ENTHD1: variants seen among roughly 807,000 people sequenced by gnomAD.
The protein encoded by ENTHD1 is ENTH domain containing 1.
Under a neutral mutation model 39.1 loss-of-function variants are expected in ENTHD1, and 23 were observed. The ratio of observed to expected loss-of-function variants is 0.59; its 90% CI spans 0.42 to 0.83. ENTHD1 has a LOEUF of 0.83. Among genes scored for constraint, ENTHD1 ranks in the 40% least tolerant of loss-of-function variants. The pLI is 0.00. For synonymous variants in ENTHD1, 230 were observed against 258.2 expected, an observed-to-expected ratio of 0.89 and a Z score of 1.05; for missense variants, 624 against 705.4, an observed-to-expected ratio of 0.88 and a Z score of 1.31.
At chr22:39,879,465 A>AG (rs2066318523) in intron 2 of ENTHD1, among the ~76,000 whole-genome samples, 1 of 146,964 alleles carries the variant, frequency 6.8e-6, no homozygotes, top group African/African-American at 2.5e-5. Context: ...TCTGTCTCAA[A>AG]AAAAAAAAAA....
At chr22:39,754,714 C>A (rs1170297197) in intron 6 of ENTHD1, among the ~76,000 whole-genome samples, 1 of 152,166 alleles carries the variant, frequency 6.6e-6, no homozygotes, top group Non-Finnish European at 1.5e-5. Context: ...CGTGATCCAC[C>A]TAAGGCTCCT....
intron 5 of ENTHD1, among the ~76,000 whole-genome samples, chr22:39,770,212 C>A (rs976687584): frequency 6.6e-6 from 1 of 152,094 alleles, no homozygotes; most frequent in African/African-American, 2.4e-5. Context: ...CACCACATAC[C>A]GTGTTCATAC....
chr22:39,866,591 A>G (rs2066183382), intron 2 of ENTHD1, among the ~76,000 whole-genome samples: 1 of 152,196 alleles, frequency 6.6e-6, no homozygotes, highest in Non-Finnish European at 1.5e-5. Context: ...AGTGCGCCAG[A>G]CAGGGAACAG....
intron 3 of ENTHD1, among the ~76,000 whole-genome samples, chr22:39,856,255 CA>C (rs2066084999): frequency 9.5e-6 from 1 of 105,708 alleles, no homozygotes. Flanking sequence ...GCCTGGGCAA[CA>C]AGAGTGAAAC....
At chr22:39,877,762 G>A (rs1330172692) in intron 2 of ENTHD1, among the ~76,000 whole-genome samples, 1 of 152,174 alleles carries the variant, frequency 6.6e-6, no homozygotes, top group Non-Finnish European at 1.5e-5. Context: ...CTTAGGAGAA[G>A]CTAGTTAACC....
chr22:39,842,190 T>C (rs1042674576), intron 3 of ENTHD1, among the ~76,000 whole-genome samples: 6 of 150,940 alleles, frequency 4.0e-5, no homozygotes, highest in Admixed American at 3.9e-4. Flanking sequence ...CATTTCAACT[T>C]TGGTGAATCT....
intron 4 of ENTHD1, among the ~76,000 whole-genome samples, chr22:39,826,849 T>TAA (rs113990842): frequency 7.3e-6 from 1 of 137,502 alleles, no homozygotes; most frequent in Admixed American, 7.3e-5. Context: ...AATAGTCTGT[T>TAA]AAAAAAAAAA....
chr22:39,801,105 T>C (rs1388341712), intron 5 of ENTHD1, among the ~76,000 whole-genome samples: 1 of 152,266 alleles, frequency 6.6e-6, no homozygotes, highest in Non-Finnish European at 1.5e-5. Flanking sequence ...ATTGAGTGAT[T>C]ATTTCTGAAT....
chr22:39,744,105 G>C lies in ENTHD1; in HGVS notation c.1398C>G (p.Ala466=). The C allele has an allele frequency of 6.2e-7, 1 of 1,614,122 alleles. No individual in the cohort carries two copies. The highest frequency in any genetic ancestry group is 8.5e-7 in the Non-Finnish European group (1 of 1,179,986). The part of the protein sequence containing the change: ...STSFKDEDKT[A]KLHHSFASRG... ...TAGAAGCAAAGGAGTGATGCAGCTT[G>C]GCTGTCTTATCTTCATCTTTAAAGG... The change falls in exon 7 of 7, where the codon GCC becomes GCG. Residue 466 remains alanine, a synonymous_variant. Transcript: ENST00000325157.
intron 5 of ENTHD1, among the ~76,000 whole-genome samples, chr22:39,781,228 G>A (rs372922884): frequency 1.3e-5 from 2 of 152,080 alleles, no homozygotes; most frequent in East Asian, 3.8e-4. Context: ...CAGCACAAGG[G>A]CCGTTGTCCA....
chr22:39,875,854 T>G, intron 2 of ENTHD1: 1 of 1,613,942 alleles, frequency 6.2e-7, no homozygotes, highest in Non-Finnish European at 8.5e-7. Context: ...AGCAGGAAGC[T>G]GCAGTTGAAT....
intron 5 of ENTHD1, among the ~76,000 whole-genome samples, chr22:39,771,066 G>A (rs543600227): frequency 7.9e-5 from 12 of 152,176 alleles, no homozygotes; most frequent in Admixed American, 7.9e-4. Context: ...TTTCAGATTA[G>A]GTGTGCTTAA....
At chr22:39,875,656 T>G (rs1309535708) in intron 2 of ENTHD1, 1 of 1,612,196 alleles carries the variant, frequency 6.2e-7, no homozygotes, top group Admixed American at 1.7e-5. Context: ...GAGTAACTAC[T>G]GTGGGTGTCG....
At chr22:39,747,492 C>T (rs889263786) in intron 6 of ENTHD1, among the ~76,000 whole-genome samples, 1 of 152,112 alleles carries the variant, frequency 6.6e-6, no homozygotes. Context: ...TACTTCTACA[C>T]AATTCTATTA....
At chr22:39,764,053 T>C (rs530500007) in intron 6 of ENTHD1, among the ~76,000 whole-genome samples, 2 of 152,270 alleles carry the variant, frequency 1.3e-5, no homozygotes, top group African/African-American at 4.8e-5. Context: ...CCAAGGAAAA[T>C]CTTTTGTTAC....
At chr22:39,833,941 C>CCAA (rs760081606) in intron 4 of ENTHD1, among the ~76,000 whole-genome samples, 1 of 117,938 alleles carries the variant, frequency 8.5e-6, no homozygotes, top group Non-Finnish European at 1.7e-5. Flanking sequence ...TATACTTGGG[C>CCAA]AAAAAAAAAA....
At chr22:39,890,955 T>C (rs2066421893) in intron 1 of ENTHD1, among the ~76,000 whole-genome samples, 1 of 152,232 alleles carries the variant, frequency 6.6e-6, no homozygotes, top group African/African-American at 2.4e-5. Flanking sequence ...TTATGTGTTT[T>C]AGACACCTGA....
chr22:39,858,387 C>T (rs1490376294), intron 3 of ENTHD1, among the ~76,000 whole-genome samples: 1 of 152,212 alleles, frequency 6.6e-6, no homozygotes, highest in African/African-American at 2.4e-5. Flanking sequence ...CCTTCCTCCA[C>T]TGAAGTCTTG....
Position 39,887,474 on chromosome 22 carries a change from T to C in ENTHD1, c.275A>G (p.His92Arg). Residue 92 changes from histidine (H) to arginine (R), a missense_variant, in exon 2 of 7, where the codon CAT becomes CGT. Coordinates refer to ENST00000325157, the MANE Select transcript of ENTHD1 (RefSeq NM_152512.4). The stretch of plus-strand genomic sequence containing the variant: ...AAGGTTACAGAACCCCTCTCTGCAA[T>C]GCTGAATAACTTTCTTTGATCCATT... ...IKNGSKKVIQ[H>R]CREGFCNLQT... The C allele has an allele frequency of 6.2e-7, 1 of 1,614,242 alleles. No individual in the cohort carries two copies. The highest frequency in any genetic ancestry group is 8.5e-7 in the Non-Finnish European group (1 of 1,180,040).
Sources: allele counts gnomAD v4.1 joint callset (sites outside exome capture counted in the v4.1 genomes callset), GRCh38; gene constraint gnomAD v4.1.1; transcripts MANE v1.5; gene names NCBI Gene and HGNC (gene_info 2026-07-23, HGNC 2026-07-21).